B3GNT3: variants seen among roughly 807,000 people sequenced by gnomAD.
B3GNT3 encodes N-acetyllactosaminide beta-1,3-N-acetylglucosaminyltransferase 3.
A neutral mutation model predicts 11.6 loss-of-function variants in B3GNT3; 7 were observed. The ratio of observed to expected loss-of-function variants is 0.60; its 90% CI spans 0.34 to 1.13. The LOEUF is 1.13. Ranked by LOEUF, B3GNT3 falls within the 50% of genes most tolerant of loss-of-function variation. The pLI is 0.03. For missense variants in B3GNT3, 400 were observed against 507.4 expected, an observed-to-expected ratio of 0.79 and a Z score of 2.03; for synonymous variants, 201 against 222.1, an observed-to-expected ratio of 0.90 and a Z score of 0.85.
Position 17,811,440 on chromosome 19 carries a change from G to A in B3GNT3, c.568-131G>A, listed in dbSNP as rs2094180533. 2.2e-6 allele frequency: 2 copies of A among 917,696 alleles called. No individual in the cohort carries two copies. Among genetic ancestry groups the A allele is most frequent in the African/African-American group, 3.3e-5 (2 of 59,760 alleles). The allele number at this position is 917,696 out of a possible 1,614,324, so 56.8% of individuals were successfully genotyped here. On this transcript the variant is annotated intron_variant, in intron 2 of 2. Transcript: ENST00000318683. This position sits in a 1 kb window ranked among gnomAD's most constrained non-coding sequence, Gnocchi z 4.1. ...AGGGTTTCCCAAGTAACCCCACAGGGCAGGGCCTTAACCCAGGCTGGATTG... is the reference window on the plus strand; with the variant it reads ...AGGGTTTCCCAAGTAACCCCACAGGACAGGGCCTTAACCCAGGCTGGATTG...
Position 17,807,982 on chromosome 19 carries a change from GC to G in B3GNT3, c.179del (p.Pro60ArgfsTer53). ...CACTCCACCCACCCGCCCAGCCCCG[GC>G]CCCGTGCCATGCCAACACCTCTATG... ...WPTPPTRPAP[A>X]PCHANTSMVT... On this transcript the variant is annotated frameshift_variant, in exon 2 of 3. Transcript: ENST00000318683. LOFTEE classifies it high-confidence loss of function. 6 of 830,722 alleles carry G rather than the reference GC, an allele frequency of 7.2e-6. No individual in the cohort carries two copies. The highest frequency in any genetic ancestry group is 1.1e-5 in the Non-Finnish European group (6 of 523,602). 51.5% of individuals were successfully genotyped at this position (830,722 alleles called of 1,614,324 possible).
intron 1 of B3GNT3, among the ~76,000 whole-genome samples, chr19:17,799,515 G>A (rs1161691245): frequency 1.3e-5 from 2 of 152,072 alleles, no homozygotes; most frequent in South Asian, 2.1e-4. Context: ...TGATTCGCCC[G>A]CCTCTGCCTC....
chr19:17,802,362 G>T (rs924690730), intron 1 of B3GNT3, among the ~76,000 whole-genome samples: 2 of 152,174 alleles, frequency 1.3e-5, no homozygotes, highest in African/African-American at 4.8e-5. Flanking sequence ...GATGGCTATC[G>T]TACTTTTTCC....
At chr19:17,807,062 C>T (rs951928314) in intron 1 of B3GNT3, among the ~76,000 whole-genome samples, 3 of 150,788 alleles carry the variant, frequency 2.0e-5, no homozygotes, top group Non-Finnish European at 4.4e-5. Context: ...GCGGTCACCA[C>T]ACAGCTAATA....
In B3GNT3 at chr19:17,807,479, A is replaced by AGAG. The variant is rs57302500; in HGVS notation, c.-50-279_-50-278insGAG. Among the ~76,000 whole-genome samples, 621 of 146,736 alleles carry AGAG rather than the reference A, an allele frequency of 4.2e-3. 5 individuals are homozygous for AGAG. Among genetic ancestry groups the AGAG allele is most frequent in the African/African-American group, 0.012 (485 of 39,662 alleles). On this transcript the variant is annotated intron_variant, in intron 1 of 2. Transcript: ENST00000318683. ...TGCACTCCAGCCTGGGCAACAGAAC[A>AGAG]AGAGAGAGAGAGAGAGAGAGACGCT...
chr19:17,798,281 G>A (rs1372749545), intron 1 of B3GNT3, among the ~76,000 whole-genome samples: 2 of 152,152 alleles, frequency 1.3e-5, no homozygotes, highest in African/African-American at 2.4e-5. Flanking sequence ...CTGTGTCCTC[G>A]GAACCTAGAC....
intron 1 of B3GNT3, among the ~76,000 whole-genome samples, chr19:17,805,055 T>TA (rs1442227471): frequency 1.3e-5 from 2 of 151,756 alleles, no homozygotes; most frequent in Non-Finnish European, 2.9e-5. Flanking sequence ...GGGTCTCCCT[T>TA]AGTTGCCCTG....
Position 17,811,599 on chromosome 19 carries a change from G to C in B3GNT3, c.596G>C (p.Arg199Thr). 6.2e-7 allele frequency: 1 copy of C among 1,613,196 alleles called. No homozygotes were observed. Among genetic ancestry groups the C allele is most frequent in the South Asian group, 1.1e-5 (1 of 90,984 alleles). Reference sequence around the variant, plus strand: ...CTGTTCTTACAGTGGCAGGAGACAAGGTGCGCCAACGCCAGCTTCGTGCTC... The same window carrying C: ...CTGTTCTTACAGTGGCAGGAGACAACGTGCGCCAACGCCAGCTTCGTGCTC... ...QVLFLQWQET[R>T]CANASFVLNG... Residue 199 changes from arginine to threonine, a missense_variant, in exon 3 of 3, where the codon AGG (arginine) becomes ACG (threonine). By Grantham distance (71) the Arg-to-Thr change is moderately conservative. Coordinates refer to ENST00000318683, the MANE Select transcript of B3GNT3 (RefSeq NM_014256.4). This position sits in a 1 kb window ranked among gnomAD's most constrained non-coding sequence, Gnocchi z 4.1.
chr19:17,797,517 A>T lies in B3GNT3; in HGVS notation c.-51+2311A>T, dbSNP rs1287601503. On this transcript the variant is annotated intron_variant, in intron 1 of 2. Transcript: ENST00000318683. ...ATGCCCTTTGAGACTCCACTGGGCC[A>T]GGGCTGGTGTTATTCAGGGGCCCCT... 2.6e-5 allele frequency among the ~76,000 whole-genome samples: 4 copies of T among 152,104 alleles called. No homozygotes were observed. In the South Asian group the frequency reaches 8.3e-4, roughly 32 times the overall value.
At chr19:17,806,866 C>T (rs986896386) in intron 1 of B3GNT3, among the ~76,000 whole-genome samples, 15 of 149,584 alleles carry the variant, frequency 1.0e-4, no homozygotes, top group South Asian at 2.1e-4. Flanking sequence ...GCAGGAGGAT[C>T]GCTCGTATGC....
At chr19:17,803,303 G>A (rs2094168646) in intron 1 of B3GNT3, among the ~76,000 whole-genome samples, 1 of 152,196 alleles carries the variant, frequency 6.6e-6, no homozygotes, top group Non-Finnish European at 1.5e-5. Context: ...ACAGCTCCCG[G>A]CCATGTTTAA....
Position 17,811,562 on chromosome 19 carries a change from T to C in B3GNT3, c.568-9T>C. ...TCAAGCAAGCATGCCCTGTCCACCCTGCCTGCAGGTCCTGTTCTTACAGTG... is the reference window on the plus strand; with the variant it reads ...TCAAGCAAGCATGCCCTGTCCACCCCGCCTGCAGGTCCTGTTCTTACAGTG... On this transcript the variant is annotated splice_polypyrimidine_tract_variant and intron_variant, in intron 2 of 2. Transcript: ENST00000318683. The surrounding 1 kb of genome is among the most constrained non-coding windows in gnomAD (Gnocchi z 4.1). 6.2e-7 allele frequency: 1 copy of C among 1,603,530 alleles called. No homozygotes were observed. Among genetic ancestry groups the C allele is most frequent in the Non-Finnish European group, 8.5e-7 (1 of 1,173,386 alleles).
At chr19:17,798,404 C>T (rs1209766477) in intron 1 of B3GNT3, among the ~76,000 whole-genome samples, 1 of 152,168 alleles carries the variant, frequency 6.6e-6, no homozygotes, top group Non-Finnish European at 1.5e-5. Flanking sequence ...GGCGTGGTGG[C>T]TAACACCTGT....
intron 2 of B3GNT3, among the ~76,000 whole-genome samples, chr19:17,810,736 C>T (rs2094179562): frequency 6.6e-6 from 1 of 151,756 alleles, no homozygotes; most frequent in South Asian, 2.1e-4. Flanking sequence ...AAAAAATTAG[C>T]CAGGTGTGGT....
Position 17,812,328 on chromosome 19 carries a change from G to A in B3GNT3, c.*206G>A. 1.8e-6 allele frequency: 1 copy of A among 549,536 alleles called. No homozygotes were observed. 34.0% of individuals were successfully genotyped at this position (549,536 alleles called of 1,614,324 possible). On this transcript the variant is annotated 3_prime_UTR_variant, in exon 3 of 3. Transcript: ENST00000318683. ...ACTGTTCCAGCATCTTCCCTGGATG[G>A]CTGGAGGAACTCCAGAAAATATCCA...
intron 1 of B3GNT3, among the ~76,000 whole-genome samples, chr19:17,799,799 G>A (rs2094163863): frequency 1.5e-5 from 1 of 68,894 alleles, no homozygotes; most frequent in African/African-American, 7.9e-5. Context: ...GGCCGGTTAG[G>A]GGTATCCAGG....
chr19:17,810,634 C>T (rs1368439639), intron 2 of B3GNT3, among the ~76,000 whole-genome samples: 1 of 151,990 alleles, frequency 6.6e-6, no homozygotes, highest in African/African-American at 2.4e-5. Context: ...GTAATCCCAG[C>T]ACTTTGGGAG....
intron 1 of B3GNT3, among the ~76,000 whole-genome samples, chr19:17,797,907 C>A (rs1379320458): frequency 1.3e-5 from 2 of 152,202 alleles, no homozygotes; most frequent in African/African-American, 2.4e-5. Context: ...TACTGGGAAA[C>A]CCAAACTGGT....
At chr19:17,804,003 A>G (rs1451770321) in intron 1 of B3GNT3, among the ~76,000 whole-genome samples, 1 of 152,180 alleles carries the variant, frequency 6.6e-6, no homozygotes, top group East Asian at 1.9e-4. Flanking sequence ...CTCTTAAAAC[A>G]CAGCACACAC....
Sources: allele counts gnomAD v4.1 joint callset (sites outside exome capture counted in the v4.1 genomes callset), GRCh38; gene constraint gnomAD v4.1.1; non-coding constraint Gnocchi (gnomAD v3.1); transcripts MANE v1.5; gene names NCBI Gene and HGNC (gene_info 2026-07-23, HGNC 2026-07-21).